Variants in INSL6 observed in about 807,000 individuals in gnomAD.
The protein encoded by INSL6 is insulin like 6.
In INSL6, 16 loss-of-function variants were observed where a neutral mutation model predicts 9.4. That is an observed-to-expected ratio of 1.70 (90% CI 1.15 to 2.59). The LOEUF (loss-of-function observed/expected upper bound fraction) is 2.59, where lower values mean the gene tolerates loss of function less well. Among genes scored for constraint, INSL6 ranks in the 30% most tolerant of loss-of-function variants. The pLI is 0.00. For synonymous variants in INSL6, 154 were observed against 96.9 expected, an observed-to-expected ratio of 1.59 and a Z score of -3.46; for missense variants, 391 against 257.3, an observed-to-expected ratio of 1.52 and a Z score of -3.56.
At chr9:5,037,637 C>T in the INSL6 span, among the ~76,000 whole-genome samples, 2 of 152,086 alleles carry the variant, frequency 1.3e-5, no homozygotes, top group Non-Finnish European at 2.9e-5. Context: ...TGTTCTCACT[C>T]TTAGGTGGGA....
chr9:5,111,118 G>C, the INSL6 span: 1 of 1,203,640 alleles, frequency 8.3e-7, no homozygotes, highest in Non-Finnish European at 1.2e-6. Flanking sequence ...CTCCTCCTTT[G>C]ACCCCAGCTG....
Position 5,176,698 on chromosome 9 carries a change from G to A in INSL6, c.289+8616C>T, listed in dbSNP as rs369163188. 3.8e-4 allele frequency among the ~76,000 whole-genome samples: 52 copies of A among 135,150 alleles called. 4 individuals carry two copies. In the South Asian group the frequency reaches 0.012, roughly 30 times the overall value. 88.7% of individuals were successfully genotyped at this position (135,150 alleles called of 152,430 possible). On this transcript the variant is annotated intron_variant, in intron 1 of 1. Transcript: ENST00000381641. ...TTAAATGCGTGCCCTTTAAGCCTGG[G>A]AACAAAACAAGAAATCAAAGCAAAA...
At chr9:5,068,406 G>T in the INSL6 span, among the ~76,000 whole-genome samples, 2 of 152,222 alleles carry the variant, frequency 1.3e-5, no homozygotes, top group Non-Finnish European at 2.9e-5. Context: ...TGGTGGTGCA[G>T]TGGAATGGCT....
chr9:5,044,483 T>C, the INSL6 span: 1 of 1,611,684 alleles, frequency 6.2e-7, no homozygotes, highest in East Asian at 2.2e-5. Flanking sequence ...GAAGCTCCTC[T>C]TCTTGATGAC....
At chr9:5,041,891 C>G in the INSL6 span, 1 of 419,136 alleles carries the variant, frequency 2.4e-6, no homozygotes, top group African/African-American at 2.1e-5. Flanking sequence ...CCCATCAGGG[C>G]GCCTGCAGAG....
chr9:5,179,563 T>C (rs1825398132), intron 1 of INSL6, among the ~76,000 whole-genome samples: 1 of 152,236 alleles, frequency 6.6e-6, no homozygotes, highest in Non-Finnish European at 1.5e-5. Flanking sequence ...ATTGCAGCAC[T>C]ATTCACAATA....
chr9:5,086,012 A>G, the INSL6 span: 17 of 820,600 alleles, frequency 2.1e-5, no homozygotes, highest in Non-Finnish European at 3.5e-5. Flanking sequence ...ACTGTGATAT[A>G]CTATATACAT....
At chr9:5,171,944 T>A (rs10116823) in intron 1 of INSL6, among the ~76,000 whole-genome samples, 63,054 of 152,030 alleles carry the variant, frequency 0.41, 15,884 homozygotes, top group African/African-American at 0.72. Flanking sequence ...TATTCCCATC[T>A]AACTACCATC....
the INSL6 span, chr9:5,081,703 A>G: frequency 6.5e-7 from 1 of 1,540,300 alleles, no homozygotes; most frequent in Non-Finnish European, 9.0e-7. Flanking sequence ...ATTTAAGGTG[A>G]TAATATTCTT....
the INSL6 span, among the ~76,000 whole-genome samples, chr9:5,013,367 A>G: frequency 1.3e-5 from 2 of 152,378 alleles, no homozygotes; most frequent in African/African-American, 4.8e-5. Flanking sequence ...TTGGTATACT[A>G]AAGAAAGTAA....
chr9:5,110,115 T>C, the INSL6 span: 1 of 152,228 alleles, frequency 6.6e-6, no homozygotes, highest in African/African-American at 2.4e-5. Context: ...TCGCCTTCTC[T>C]TAGCAGCAGC....
the INSL6 span, chr9:5,081,962 C>A: frequency 1.0e-6 from 1 of 966,410 alleles, no homozygotes; most frequent in Non-Finnish European, 1.6e-6. Context: ...TTAAGGAGTG[C>A]TTGTAGAAAA....
the INSL6 span, among the ~76,000 whole-genome samples, chr9:5,025,091 C>A: frequency 6.6e-6 from 1 of 152,038 alleles, no homozygotes; most frequent in Non-Finnish European, 1.5e-5. Context: ...CATATCTTTG[C>A]CTATTTTCTG....
At chr9:5,080,974 C>T in the INSL6 span, among the ~76,000 whole-genome samples, 43 of 145,320 alleles carry the variant, frequency 3.0e-4, no homozygotes, top group Non-Finnish European at 5.5e-4. Flanking sequence ...CGGCTCACTG[C>T]AAGCTCCACC....
chr9:5,111,252 G>A, the INSL6 span: 9 of 515,036 alleles, frequency 1.7e-5, no homozygotes, highest in Non-Finnish European at 3.0e-5. Context: ...TGGTAGAGAC[G>A]CAGGCGTGCG....
the INSL6 span, among the ~76,000 whole-genome samples, chr9:5,004,214 A>T: frequency 2.0e-5 from 3 of 152,290 alleles, no homozygotes; most frequent in Non-Finnish European, 2.9e-5. Flanking sequence ...ATGATGTACA[A>T]TAGATCTCTT....
At chr9:5,072,408 T>A in the INSL6 span, 1 of 1,012,930 alleles carries the variant, frequency 9.9e-7, no homozygotes, top group Non-Finnish European at 1.4e-6. Context: ...TTTAAAAAAA[T>A]TCTTCCTCAT....
chr9:5,095,171 AAATAAG>A, the INSL6 span, among the ~76,000 whole-genome samples: 1 of 152,138 alleles, frequency 6.6e-6, no homozygotes, highest in Admixed American at 6.6e-5. Context: ...AAGTTCAGCT[AAATAAG>A]CTATTGGGCC....
At chr9:5,175,470 T>C (rs543818285) in intron 1 of INSL6, among the ~76,000 whole-genome samples, 2 of 152,280 alleles carry the variant, frequency 1.3e-5, no homozygotes, top group South Asian at 2.1e-4. Flanking sequence ...AAAATCTTAA[T>C]GACTCCTTGC....
Sources: gnomAD v4.1 joint callset for allele counts (sites outside exome capture counted in the v4.1 genomes callset) on GRCh38, gnomAD v4.1.1 for gene constraint, MANE v1.5 for transcripts, NCBI Gene and HGNC (gene_info 2026-07-23, HGNC 2026-07-21) for gene names.